NAALADL2: variants seen among roughly 807,000 people sequenced by gnomAD.
The protein encoded by NAALADL2 is N-acetylated alpha-linked acidic dipeptidase like 2, also known as inactive N-acetylated-alpha-linked acidic dipeptidase-like protein 2.
NAALADL2 carries 76 observed loss-of-function variants against 87.2 expected under a neutral mutation model. That is an observed-to-expected ratio of 0.87 (90% CI 0.72 to 1.05). The LOEUF is 1.05. Among genes scored for constraint, NAALADL2 ranks in the 50% least tolerant of loss-of-function variants. The pLI, the probability that NAALADL2 is intolerant of heterozygous loss-of-function variation, is 0.00. For synonymous variants in NAALADL2, 354 were observed against 331.0 expected (o/e 1.07, Z -0.75); for missense variants, 1,089 against 945.8 (o/e 1.15, Z -1.99).
chr3:175,439,432 T>A (rs1222203648), intron 5 of NAALADL2, among the ~76,000 whole-genome samples: 1 of 152,042 alleles, frequency 6.6e-6, no homozygotes, highest in Admixed American at 6.6e-5. Context: ...TTTTCCATAG[T>A]GGTTGTACTA....
Position 175,459,722 on chromosome 3 carries a change from G to A in NAALADL2, c.1235-3679G>A, listed in dbSNP as rs369206422. Reference sequence around the variant, plus strand: ...TAATTCCACCATCCCTGGGGATTTGGAGGAGGAGACATACCCCAGAGTGCA... The same window carrying A: ...TAATTCCACCATCCCTGGGGATTTGAAGGAGGAGACATACCCCAGAGTGCA... On this transcript the variant is annotated intron_variant, in intron 6 of 13. Coordinates refer to ENST00000454872, the MANE Select transcript of NAALADL2 (RefSeq NM_207015.3). Among the ~76,000 whole-genome samples the A allele has an allele frequency of 6.6e-5, 10 of 152,204 alleles. No individual in the cohort carries two copies. The East Asian group carries it at 1.2e-3, about 18-fold the overall frequency.
chr3:174,540,716 C>T (rs1722147395), intron 1 of NAALADL2: 1 of 152,110 alleles, frequency 6.6e-6, no homozygotes, highest in African/African-American at 2.4e-5. Context: ...CTTCTGTTTT[C>T]CTTTAATAAA....
At chr3:175,258,690 A>C (rs1365707299) in intron 4 of NAALADL2, among the ~76,000 whole-genome samples, 1 of 152,182 alleles carries the variant, frequency 6.6e-6, no homozygotes, top group Non-Finnish European at 1.5e-5. Context: ...GTTCAGCTGC[A>C]TGCCTGGTGA....
At chr3:174,487,654 A>G (rs1717937164) in intron 1 of NAALADL2, among the ~76,000 whole-genome samples, 1 of 151,776 alleles carries the variant, frequency 6.6e-6, no homozygotes, top group Admixed American at 6.6e-5. Flanking sequence ...AGAGAAAATA[A>G]TTAATAAAGG....
At chr3:175,161,376 G>T (rs1580742796) in intron 2 of NAALADL2, among the ~76,000 whole-genome samples, 2 of 152,226 alleles carry the variant, frequency 1.3e-5, no homozygotes, top group South Asian at 4.1e-4. Flanking sequence ...TAGGATAAGG[G>T]TTAAGAAATG....
At chr3:174,658,026 C>T (rs1443805846) in intron 2 of NAALADL2, among the ~76,000 whole-genome samples, 1 of 152,122 alleles carries the variant, frequency 6.6e-6, no homozygotes, top group African/African-American at 2.4e-5. Flanking sequence ...ATTCATTCAC[C>T]TACTGAAGGA....
chr3:175,626,530 A>G (rs1299948374), intron 10 of NAALADL2, among the ~76,000 whole-genome samples: 1 of 151,644 alleles, frequency 6.6e-6, no homozygotes, highest in East Asian at 1.9e-4. Context: ...TGTTCTCGCA[A>G]CTCCACAGAA....
At chr3:175,773,644 A>C (rs906366544) in intron 13 of NAALADL2, 5 of 152,136 alleles carry the variant, frequency 3.3e-5, no homozygotes, top group African/African-American at 4.8e-5. Flanking sequence ...TTAACTTTTC[A>C]TGTAGTTCAG....
chr3:175,526,162 A>G (rs963802894), intron 9 of NAALADL2, among the ~76,000 whole-genome samples: 9 of 152,252 alleles, frequency 5.9e-5, no homozygotes, highest in African/African-American at 1.9e-4. Flanking sequence ...TTTTTGCAGT[A>G]GCAACTAGTG....
intron 4 of NAALADL2, among the ~76,000 whole-genome samples, chr3:175,270,406 C>T (rs748567306): frequency 5.9e-5 from 9 of 152,138 alleles, no homozygotes; most frequent in Non-Finnish European, 1.2e-4. Flanking sequence ...CACTCTTCAT[C>T]CAAACTGACT....
chr3:175,249,741 A>G (rs1295575402), intron 3 of NAALADL2, among the ~76,000 whole-genome samples: 1 of 152,160 alleles, frequency 6.6e-6, no homozygotes, highest in Non-Finnish European at 1.5e-5. Flanking sequence ...CCCTCTATGG[A>G]CTGACTTGTG....
chr3:175,513,382 A>C (rs763384999), intron 9 of NAALADL2, among the ~76,000 whole-genome samples: 8 of 152,190 alleles, frequency 5.3e-5, no homozygotes, highest in Non-Finnish European at 1.2e-4. Context: ...TGCGTGCTCA[A>C]AAACCATGTG....
Position 175,666,601 on chromosome 3 carries a change from C to T in NAALADL2, c.1896+39215C>T, listed in dbSNP as rs181194575. Among the ~76,000 whole-genome samples, 202 of 152,220 alleles carry T rather than the reference C, an allele frequency of 1.3e-3. 1 individual carries two copies. Among genetic ancestry groups the T allele is most frequent in the Non-Finnish European group, 2.5e-3 (167 of 67,998 alleles). On this transcript the variant is annotated intron_variant, in intron 11 of 13. Transcript: ENST00000454872. Reference sequence around the variant, plus strand: ...AAACAAAAAATATCATTATTATGCACGATGAGCCCACCAAAAGAGTTCAAA... The same window carrying T: ...AAACAAAAAATATCATTATTATGCATGATGAGCCCACCAAAAGAGTTCAAA...
At chr3:175,467,493 A>G (rs1258368438) in intron 8 of NAALADL2, among the ~76,000 whole-genome samples, 1 of 152,190 alleles carries the variant, frequency 6.6e-6, no homozygotes, top group Non-Finnish European at 1.5e-5. Context: ...GCACTGGACA[A>G]AAAAGGATCA....
chr3:175,223,343 T>C (rs1449201911), intron 2 of NAALADL2, among the ~76,000 whole-genome samples: 1 of 151,814 alleles, frequency 6.6e-6, no homozygotes, highest in Non-Finnish European at 1.5e-5. Context: ...TAGTTTGATT[T>C]TTTTTTTTTT....
intron 11 of NAALADL2, among the ~76,000 whole-genome samples, chr3:175,656,171 C>T (rs187444312): frequency 2.6e-5 from 4 of 152,206 alleles, no homozygotes; most frequent in Non-Finnish European, 5.9e-5. Context: ...TATTGGATAA[C>T]GAAATTTGTT....
intron 4 of NAALADL2, among the ~76,000 whole-genome samples, chr3:175,282,222 T>C (rs1249424367): frequency 6.6e-6 from 1 of 152,100 alleles, no homozygotes; most frequent in African/African-American, 2.4e-5. Flanking sequence ...ACCTGACTTA[T>C]GTATCTACAA....
At chr3:174,869,954 C>G (rs1560304379) in intron 1 of NAALADL2, among the ~76,000 whole-genome samples, 1 of 148,322 alleles carries the variant, frequency 6.7e-6, no homozygotes, top group Non-Finnish European at 1.5e-5. Context: ...CGAGATCACG[C>G]CATTGCACCC....
intron 2 of NAALADL2, among the ~76,000 whole-genome samples, chr3:175,146,481 ATAAT>A (rs1730765387): frequency 6.6e-6 from 1 of 152,152 alleles, no homozygotes; most frequent in Non-Finnish European, 1.5e-5. Context: ...GCAAGCTAAA[ATAAT>A]TATTGTAGAG....
Sources: allele counts gnomAD v4.1 joint callset (sites outside exome capture counted in the v4.1 genomes callset), GRCh38; gene constraint gnomAD v4.1.1; transcripts MANE v1.5; gene names NCBI Gene and HGNC (gene_info 2026-07-23, HGNC 2026-07-21).